Variants in STAM2 observed in about 807,000 individuals in gnomAD.
The protein encoded by STAM2 is signal transducing adapter molecule 2.
In STAM2, 51 loss-of-function variants were observed where a neutral mutation model predicts 65.6. The observed-to-expected ratio is 0.78, with a 90% CI of 0.62 to 0.98. STAM2 has a LOEUF of 0.98. Among genes scored for constraint, STAM2 ranks in the 50% least tolerant of loss-of-function variants. The pLI, the probability that STAM2 is intolerant of heterozygous loss-of-function variation, is 0.00. For missense variants in STAM2, 584 were observed against 617.8 expected, an observed-to-expected ratio of 0.95 and a Z score of 0.58; for synonymous variants, 198 against 208.4, an observed-to-expected ratio of 0.95 and a Z score of 0.43.
intron 9 of STAM2, 63 bp from the exon 10 acceptor site, chr2:152,133,323 T>TA: frequency 9.7e-6 from 15 of 1,544,264 alleles, no homozygotes; most frequent in Non-Finnish European, 1.3e-5. Context: ...AATATGAAAT[T>TA]ACTCTTTCCA....
chr2:152,143,957 A>G lies in STAM2; in HGVS notation c.574T>C (p.Tyr192His), dbSNP rs201297784. 31 of 1,613,782 alleles carry G rather than the reference A, an allele frequency of 1.9e-5. No individual in the cohort carries two copies. Among genetic ancestry groups the G allele is most frequent in the Non-Finnish European group, 2.5e-5 (29 of 1,179,872 alleles). ...TTTAACTGAATTTCTGAAGATGGAT[A>G]TAAGGATTTTGTTTCTGTGTGTTGC... Reference protein sequence around the residue: ...KQQHTETKSLYPSSEIQLNNK... With the variant: ...KQQHTETKSLHPSSEIQLNNK... Residue 192 changes from tyrosine to histidine, a missense_variant, in exon 7 of 14, where the codon TAT becomes CAT. Physicochemically the swap from Tyr to His is moderately conservative, Grantham distance 83 (BLOSUM62 2). Transcript: ENST00000263904.
chr2:152,127,792 T>C (rs557348958), intron 11 of STAM2, among the ~76,000 whole-genome samples: 70 of 152,308 alleles, frequency 4.6e-4, no homozygotes, highest in African/African-American at 1.5e-3. Flanking sequence ...GAGCAAACTC[T>C]TTCTACTTGA....
At chr2:152,165,573 G>T (rs1439135916) in intron 1 of STAM2, among the ~76,000 whole-genome samples, 10 of 152,154 alleles carry the variant, frequency 6.6e-5, no homozygotes, top group Admixed American at 6.5e-4. Context: ...CACCTGTGGA[G>T]TACTGTCAGG....
intron 1 of STAM2, among the ~76,000 whole-genome samples, chr2:152,154,392 A>C (rs1355112432): frequency 1.3e-5 from 2 of 152,200 alleles, no homozygotes; most frequent in African/African-American, 4.8e-5. Context: ...CAAGGTGGGC[A>C]GATCAGTTGA....
At chr2:152,159,748 C>T (rs111519561) in intron 1 of STAM2, among the ~76,000 whole-genome samples, 1 of 152,212 alleles carries the variant, frequency 6.6e-6, no homozygotes, top group Non-Finnish European at 1.5e-5. Context: ...CTCCCTCTCC[C>T]TCTCTTTCCA....
At chr2:152,168,553 G>C (rs907412436) in intron 1 of STAM2, among the ~76,000 whole-genome samples, 1 of 152,132 alleles carries the variant, frequency 6.6e-6, no homozygotes, top group Admixed American at 6.5e-5. Context: ...ATAGTATTAT[G>C]TTGTATATTC....
intron 6 of STAM2, 161 bp downstream of exon 6, chr2:152,144,727 T>TG: frequency 1.9e-6 from 1 of 526,222 alleles, no homozygotes; most frequent in Non-Finnish European, 3.4e-6. Context: ...TTAGTAGAGA[T>TG]GGGGTTTCAC....
Position 152,153,876 on chromosome 2 carries a change from GACATT to G in STAM2, c.41-3652_41-3648del, listed in dbSNP as rs1220716009. Reference sequence around the variant, plus strand: ...TAAAACTATGATGCATATCCTTCCAGACATTACATACACACACACACACACACACA... The same window carrying G: ...TAAAACTATGATGCATATCCTTCCAGACATACACACACACACACACACACA... On this transcript the variant is annotated intron_variant, in intron 1 of 13. Coordinates refer to ENST00000263904, the MANE Select transcript of STAM2 (RefSeq NM_005843.6). 8.1e-5 allele frequency among the ~76,000 whole-genome samples: 10 copies of G among 123,202 alleles called. No individual in the cohort carries two copies. The South Asian group carries it at 2.2e-3, about 28-fold the overall frequency. 80.8% of individuals were successfully genotyped at this position (123,202 alleles called of 152,430 possible).
At position 152,137,758 on chromosome 2, in the gene STAM2, TAG is replaced by T. The variant is rs1689181797; in HGVS notation, c.705-2157_705-2156del. 3.3e-5 allele frequency among the ~76,000 whole-genome samples: 5 copies of T among 152,250 alleles called. No homozygotes were observed. The South Asian group carries it at 1.0e-3, about 32-fold the overall frequency. ...ATTTTTTTTTTCCCTCTCCCATGTT[TAG>T]GTCTTTAATTCATTTGGAATGAAAT... On this transcript the variant is annotated intron_variant, in intron 7 of 13. Transcript: ENST00000263904.
intron 2 of STAM2, among the ~76,000 whole-genome samples, chr2:152,149,145 C>T (rs2105550062): frequency 6.6e-6 from 1 of 152,096 alleles, no homozygotes; most frequent in East Asian, 1.9e-4. Context: ...TATTTGAAGA[C>T]TTTTTTGTTA....
intron 13 of STAM2, among the ~76,000 whole-genome samples, 168 bp from the exon 14 acceptor site, chr2:152,120,970 T>G (rs1178445893): frequency 6.6e-6 from 1 of 152,168 alleles, no homozygotes; most frequent in East Asian, 1.9e-4. Context: ...GTTAATCAAA[T>G]TTTCTTCTTC....
intron 11 of STAM2, among the ~76,000 whole-genome samples, chr2:152,129,324 A>T (rs891790113): frequency 6.6e-5 from 10 of 152,064 alleles, no homozygotes; most frequent in South Asian, 6.2e-4. Context: ...TCATTAAAAA[A>T]TTTTTTTGTA....
At position 152,147,295 on chromosome 2, in the gene STAM2, ACTTTAGGATGTGC is replaced by A; in HGVS notation, c.301_313del (p.Ala101TyrfsTer5). 6.4e-7 allele frequency: 1 copy of A among 1,574,082 alleles called. No homozygotes were observed. ...CATTAAAGATTTCAGTTTTTCACAT[ACTTTAGGATGTGC>A]CTTTTAAGGAAAAGGAAAGGAAAAT... is the stretch of plus-strand genomic sequence containing the variant. On this transcript the variant is annotated frameshift_variant and splice_region_variant, in exon 5 of 14. Transcript: ENST00000263904. LOFTEE classifies it high-confidence loss of function.
At chr2:152,150,277 A>G (rs368028577) in intron 1 of STAM2, 48 bp from the exon 2 acceptor site, 9 of 1,184,834 alleles carry the variant, frequency 7.6e-6, no homozygotes, top group Non-Finnish European at 1.1e-5. Flanking sequence ...ATCTCATATA[A>G]CACTAAAATA....
chr2:152,123,806 A>G lies in STAM2; in HGVS notation c.1309T>C (p.Ser437Pro). Residue 437 changes from serine (S) to proline (P), a missense_variant, in exon 13 of 14, where the codon TCC becomes CCC. Coordinates refer to ENST00000263904, the MANE Select transcript of STAM2 (RefSeq NM_005843.6). Reference sequence around the variant, plus strand: ...TGAGCAGGCTGTGCTGTCACTGAGGAATTCACATTTGGAGGCAGAGATCTC... The same window carrying G: ...TGAGCAGGCTGTGCTGTCACTGAGGGATTCACATTTGGAGGCAGAGATCTC... Reference protein sequence around the residue: ...PLRSLPPNVNSSVTAQPAQTS... With the variant: ...PLRSLPPNVNPSVTAQPAQTS... 1.9e-6 allele frequency: 3 copies of G among 1,614,186 alleles called. No homozygotes were observed. In the South Asian group the frequency reaches 3.3e-5, roughly 18 times the overall value.
chr2:152,124,097 C>T (rs1688911062), intron 12 of STAM2, 162 bp from the exon 13 acceptor site: 1 of 595,424 alleles, frequency 1.7e-6, no homozygotes, highest in African/African-American at 1.9e-5. Flanking sequence ...GGAGAGCTGT[C>T]AAATCACAGT....
In STAM2 at chr2:152,135,513, C is replaced by T. The variant is rs1322544096; in HGVS notation, c.795G>A (p.Glu265=). 6.2e-7 allele frequency: 1 copy of T among 1,603,314 alleles called. No homozygotes were observed. The highest frequency in any genetic ancestry group is 1.3e-5 in the African/African-American group (1 of 74,646). ...FVTTNLNIET[E]AAAVDKLNVI... ...GTCGTCTAAGATTTAACTTACCTGCCTCAGTCTCTATGTTTAAATTAGTTG... is the reference window on the plus strand; with the variant it reads ...GTCGTCTAAGATTTAACTTACCTGCTTCAGTCTCTATGTTTAAATTAGTTG... Residue 265 remains glutamate (E), a synonymous_variant, in exon 8 of 14, where the codon GAG becomes GAA. Coordinates refer to ENST00000263904, the MANE Select transcript of STAM2 (RefSeq NM_005843.6).
chr2:152,146,128 G>A (rs1579322330), intron 5 of STAM2, among the ~76,000 whole-genome samples: 1 of 151,588 alleles, frequency 6.6e-6, no homozygotes, highest in Non-Finnish European at 1.5e-5. Context: ...AAAATTAGCC[G>A]GGCATGGTGG....
chr2:152,140,667 A>C (rs1476423085), intron 7 of STAM2, among the ~76,000 whole-genome samples: 2 of 152,216 alleles, frequency 1.3e-5, no homozygotes, highest in African/African-American at 4.8e-5. Context: ...ACTCCCTTGC[A>C]AACTGTCCTT....
Sources: allele counts gnomAD v4.1 joint callset (sites outside exome capture counted in the v4.1 genomes callset), GRCh38; gene constraint gnomAD v4.1.1; transcripts MANE v1.5; gene names NCBI Gene and HGNC (gene_info 2026-07-23, HGNC 2026-07-21).